Variants in NCAM1 observed in about 807,000 individuals in gnomAD.
NCAM1 encodes the protein neural cell adhesion molecule 1.
A neutral mutation model predicts 109.8 loss-of-function variants in NCAM1; 14 were observed. That is an observed-to-expected ratio of 0.13 (90% CI 0.08 to 0.20). The LOEUF is 0.20. NCAM1 is among the 10% of genes least tolerant of loss of function. The pLI, the probability that NCAM1 is intolerant of heterozygous loss-of-function variation, is 1.00. For missense variants in NCAM1, 774 were observed against 1,109.9 expected, an observed-to-expected ratio of 0.70 and a Z score of 4.30; for synonymous variants, 418 against 442.9, an observed-to-expected ratio of 0.94 and a Z score of 0.70.
At chr11:113,089,623 C>A (rs1939249928) in intron 1 of NCAM1, among the ~76,000 whole-genome samples, 1 of 151,964 alleles carries the variant, frequency 6.6e-6, no homozygotes, top group Admixed American at 6.6e-5. Flanking sequence ...TCTTTCCTGA[C>A]TTTAGGGTGG....
intron 7 of NCAM1, among the ~76,000 whole-genome samples, chr11:113,213,403 C>T (rs150934108): frequency 3.9e-5 from 6 of 152,302 alleles, no homozygotes; most frequent in East Asian, 1.9e-4. Flanking sequence ...TTTAACTTAG[C>T]TTTGGAATGC....
At chr11:113,260,468 C>T in intron 17 of NCAM1, 145 bp downstream of exon 17, 1 of 895,872 alleles carries the variant, frequency 1.1e-6, no homozygotes, top group South Asian at 1.7e-5. Context: ...TTAGTTTTGC[C>T]TTGTACCTAT....
At chr11:112,964,215 C>T (rs1313523108) in intron 1 of NCAM1, among the ~76,000 whole-genome samples, 2 of 138,120 alleles carry the variant, frequency 1.4e-5, no homozygotes, top group Non-Finnish European at 3.0e-5. Flanking sequence ...TTTGTGTGCT[C>T]GGCTGGGTGC....
intron 1 of NCAM1, chr11:113,134,016 G>A (rs1396793270): frequency 6.6e-6 from 1 of 151,282 alleles, no homozygotes; most frequent in East Asian, 1.9e-4. Context: ...AATTGACCAT[G>A]TTAATCATTT....
chr11:113,242,663 C>T (rs1945366599), intron 14 of NCAM1: 2 of 685,490 alleles, frequency 2.9e-6, no homozygotes, highest in Admixed American at 4.7e-5. Flanking sequence ...GAGAATACCT[C>T]CTTCACCATC....
chr11:113,266,709 T>C lies in NCAM1; in HGVS notation c.2132-3479T>C, dbSNP rs1003436719. 5.3e-5 allele frequency among the ~76,000 whole-genome samples: 8 copies of C among 152,288 alleles called. No individual in the cohort carries two copies. In the South Asian group the frequency reaches 1.7e-3, roughly 32 times the overall value. Reference sequence around the variant, plus strand: ...TAGGAATTTGCTACAGGTGGAGATATATTGAGTTTAAAGGTATTTGTCATG... The same window carrying C: ...TAGGAATTTGCTACAGGTGGAGATACATTGAGTTTAAAGGTATTTGTCATG... On this transcript the variant is annotated intron_variant, in intron 17 of 19. Transcript: ENST00000316851.
intron 1 of NCAM1, among the ~76,000 whole-genome samples, chr11:113,011,168 T>C (rs1952040927): frequency 7.3e-6 from 1 of 136,478 alleles, no homozygotes; most frequent in Admixed American, 7.9e-5. Context: ...TGTGTCCATG[T>C]GATCTCATTG....
intron 1 of NCAM1, among the ~76,000 whole-genome samples, chr11:112,985,395 T>G (rs1239776416): frequency 1.3e-5 from 2 of 152,008 alleles, no homozygotes; most frequent in East Asian, 3.9e-4. Flanking sequence ...GTCTTCCAGA[T>G]GAATTTTAAG....
intron 1 of NCAM1, among the ~76,000 whole-genome samples, chr11:113,129,185 CT>C (rs1258360206): frequency 6.6e-6 from 1 of 152,016 alleles, no homozygotes; most frequent in Non-Finnish European, 1.5e-5. Context: ...AGGGCCAAGT[CT>C]CCTTTGAATT....
rs782203346 is a variant in NCAM1 at position 113,231,673 on chromosome 11, G to A, written c.1118G>A (p.Ser373Asn). The A allele has an allele frequency of 1.9e-6, 3 of 1,613,476 alleles. No homozygotes were observed. Among genetic ancestry groups the A allele is most frequent in the East Asian group, 4.5e-5 (2 of 44,862 alleles). Residue 373 changes from serine (S) to asparagine (N), a missense_variant, in exon 10 of 20, where the codon AGC becomes AAC. By Grantham distance (46) the Ser-to-Asn change is conservative. This residue lies in a region of NCAM1 where 523 missense variants were observed against 784.2 expected (regional missense o/e 0.67). Coordinates refer to ENST00000316851, the MANE Select transcript of NCAM1 (RefSeq NM_181351.5). ...ETLDGHMVVRSHARVSSLTLK... is the reference protein window; with the variant it reads ...ETLDGHMVVRNHARVSSLTLK... ...CTGGATGGGCACATGGTGGTGCGTA[G>A]CCATGCCCGTGTGTCGTCGCTGACC... is the stretch of plus-strand genomic sequence containing the variant.
intron 1 of NCAM1, among the ~76,000 whole-genome samples, chr11:113,144,162 G>A (rs1555100964): frequency 6.6e-6 from 1 of 152,154 alleles, no homozygotes; most frequent in African/African-American, 2.4e-5. Context: ...GTAAATAATA[G>A]ACTTGGATGG....
chr11:112,975,359 G>A (rs1315171667), intron 1 of NCAM1, among the ~76,000 whole-genome samples: 5 of 151,930 alleles, frequency 3.3e-5, no homozygotes, highest in South Asian at 2.1e-4. Context: ...AATAACTCCC[G>A]TATTCTATGT....
chr11:113,034,325 G>A (rs946227731), intron 1 of NCAM1, among the ~76,000 whole-genome samples: 1 of 151,846 alleles, frequency 6.6e-6, no homozygotes, highest in Non-Finnish European at 1.5e-5. Flanking sequence ...AACTTGGTAC[G>A]GAGATTTAAA....
At chr11:113,271,392 AAAAAG>A (rs1555125307) in intron 18 of NCAM1, among the ~76,000 whole-genome samples, 28 of 151,302 alleles carry the variant, frequency 1.9e-4, no homozygotes, top group East Asian at 3.9e-4. Flanking sequence ...AAAAAAAAAA[AAAAAG>A]AAAAGGAAAG....
At position 112,992,472 on chromosome 11, in the gene NCAM1, AAC is replaced by A. The variant is rs1438514457; in HGVS notation, c.52+30812_52+30813del. 2.6e-5 allele frequency among the ~76,000 whole-genome samples: 4 copies of A among 151,682 alleles called. No homozygotes were observed. In the East Asian group the frequency reaches 7.7e-4, roughly 29 times the overall value. The stretch of plus-strand genomic sequence containing the variant: ...TATATATACTGAGATATCTCCTCTA[AAC>A]ACAGAAAAATCATGAACTCTTTTTT... On this transcript the variant is annotated intron_variant, in intron 1 of 19. Transcript: ENST00000316851.
rs376214796 is a variant in NCAM1 at position 113,235,187 on chromosome 11, C to G, written c.1825+23C>G. On this transcript the variant is annotated intron_variant, in intron 14 of 19. Coordinates refer to ENST00000316851, the MANE Select transcript of NCAM1 (RefSeq NM_181351.5). ...TCCGTAAGTAAAGCCAGCTGCCCCC[C>G]TTTTCCCAGCCCACCTTCTTCTCCC... The G allele has an allele frequency of 7.2e-4, 1,159 of 1,613,758 alleles. 6 individuals are homozygous for G. The highest frequency in any genetic ancestry group is 5.2e-3 in the South Asian group (472 of 91,084).
intron 7 of NCAM1, among the ~76,000 whole-genome samples, 172 bp from the exon 8 acceptor site, chr11:113,214,197 A>G (rs529944003): frequency 1.3e-5 from 2 of 152,360 alleles, no homozygotes; most frequent in Non-Finnish European, 2.9e-5. Context: ...GTGTTGTCAC[A>G]TGCCTACATC....
intron 1 of NCAM1, among the ~76,000 whole-genome samples, chr11:112,971,620 C>T (rs1268290685): frequency 2.0e-5 from 3 of 152,166 alleles, no homozygotes; most frequent in Non-Finnish European, 4.4e-5. Context: ...CTGCCTCAGC[C>T]TCCTGAGTTG....
At chr11:113,054,783 C>G (rs978065717) in intron 1 of NCAM1, among the ~76,000 whole-genome samples, 1 of 152,034 alleles carries the variant, frequency 6.6e-6, no homozygotes, top group Admixed American at 6.6e-5. Context: ...GCTTGAAAGG[C>G]ATTTGGGGCC....
Sources: allele counts gnomAD v4.1 joint callset (sites outside exome capture counted in the v4.1 genomes callset), GRCh38; gene constraint gnomAD v4.1.1; regional missense constraint gnomAD v4.1.1; transcripts MANE v1.5; gene names NCBI Gene and HGNC (gene_info 2026-07-23, HGNC 2026-07-21).